Variants in FBXO34 observed in about 807,000 individuals in gnomAD.
FBXO34 encodes F-box protein 34, also known as F-box only protein 34.
FBXO34 carries 12 observed loss-of-function variants against 24.5 expected under a neutral mutation model. That is an observed-to-expected ratio of 0.49 (90% CI 0.31 to 0.79). The LOEUF is 0.79. FBXO34 is among the 30% of genes least tolerant of loss of function. The pLI is 0.04. For synonymous variants in FBXO34, 320 were observed against 311.9 expected (o/e 1.03, Z -0.27); for missense variants, 823 against 857.7 (o/e 0.96, Z 0.51).
At chr14:55,360,377 G>T (rs1052508590) in intron 3 of FBXO34, among the ~76,000 whole-genome samples, 5 of 151,938 alleles carry the variant, frequency 3.3e-5, no homozygotes, top group African/African-American at 1.2e-4. Flanking sequence ...CCAGCCAAAA[G>T]AAACACTTTC....
intron 1 of FBXO34, among the ~76,000 whole-genome samples, chr14:55,293,755 TTAGC>T (rs1003507265): frequency 6.6e-6 from 1 of 152,196 alleles, no homozygotes; most frequent in African/African-American, 2.4e-5. Context: ...TTCTGTATCC[TTAGC>T]ACGGAAAGTG....
the FBXO34 span, among the ~76,000 whole-genome samples, chr14:55,383,012 T>C: frequency 1.3e-5 from 2 of 152,240 alleles, no homozygotes; most frequent in Non-Finnish European, 2.9e-5. Flanking sequence ...CTCTCTTTAA[T>C]ACTCAAGTCT....
intron 1 of FBXO34, among the ~76,000 whole-genome samples, chr14:55,305,413 CA>C (rs200938451): frequency 0.054 from 4,600 of 84,420 alleles, 86 homozygotes; most frequent in African/African-American, 0.095. Flanking sequence ...GACTGCATCT[CA>C]AAAAAAAAAA....
intron 1 of FBXO34, among the ~76,000 whole-genome samples, chr14:55,343,116 T>C (rs1010666577): frequency 3.3e-5 from 5 of 152,216 alleles, no homozygotes; most frequent in African/African-American, 1.2e-4. Context: ...TAAGATGGTC[T>C]CTGGAAGCTT....
intron 1 of FBXO34, among the ~76,000 whole-genome samples, chr14:55,302,693 A>G (rs762860839): frequency 3.9e-5 from 6 of 152,084 alleles, no homozygotes; most frequent in Non-Finnish European, 7.4e-5. Context: ...CTCTGTGGCT[A>G]GAGTAGGCTT....
At position 55,287,340 on chromosome 14, in the gene FBXO34, C is replaced by T. The variant is rs534398507; in HGVS notation, c.-11+15803C>T. Among the ~76,000 whole-genome samples, 7 of 152,234 alleles carry T rather than the reference C, an allele frequency of 4.6e-5. No individual in the cohort carries two copies. The South Asian group carries it at 1.5e-3, about 32-fold the overall frequency. ...AATCTTAGTCACTCATGTGCACAGT[C>T]TGTAGTTATTTAGCATCACCATCAC... On this transcript the variant is annotated intron_variant, in intron 1 of 1. Transcript: ENST00000313833.
At chr14:55,433,598 T>C in the FBXO34 span, 2 of 1,583,632 alleles carry the variant, frequency 1.3e-6, no homozygotes, top group African/African-American at 1.3e-5. Context: ...AAATTGTTTC[T>C]CTGGTAGGGG....
chr14:55,364,496 A>C (rs541067705), downstream of FBXO34, among the ~76,000 whole-genome samples: 1 of 150,620 alleles, frequency 6.6e-6, no homozygotes, highest in East Asian at 2.0e-4. Context: ...ACGATCTTGG[A>C]TCACTGCAAC....
intron 1 of FBXO34, among the ~76,000 whole-genome samples, chr14:55,273,414 G>T (rs1881225490): frequency 6.6e-6 from 1 of 152,154 alleles, no homozygotes. Flanking sequence ...TTGGGAATTT[G>T]ACAGCATTGT....
At position 55,345,541 on chromosome 14, in the gene FBXO34, CCTT is replaced by C. The variant is rs1414855218; in HGVS notation, c.-10-4834_-10-4832del. Among the ~76,000 whole-genome samples, 12 of 152,302 alleles carry C rather than the reference CCTT, an allele frequency of 7.9e-5. No homozygotes were observed. In the South Asian group the frequency reaches 2.3e-3, roughly 29 times the overall value. ...TTCTCCCTCTTCATCCATACCTCTT[CCTT>C]CTTCTCCCCGTCTCCCCATGGGCTC... On this transcript the variant is annotated intron_variant, in intron 1 of 1. Coordinates refer to ENST00000313833, the MANE Select transcript of FBXO34 (RefSeq NM_017943.4).
the FBXO34 span, among the ~76,000 whole-genome samples, chr14:55,427,285 G>GA: frequency 2.6e-5 from 4 of 151,852 alleles, no homozygotes; most frequent in South Asian, 2.1e-4. Context: ...AGCATACAGT[G>GA]AAAAAACTGA....
chr14:55,426,204 G>A, the FBXO34 span, among the ~76,000 whole-genome samples: 1 of 151,508 alleles, frequency 6.6e-6, no homozygotes, highest in Admixed American at 6.6e-5. Context: ...GGGGGTGGAG[G>A]TTGCAGTGAG....
At chr14:55,280,283 C>T (rs1482753275) in intron 1 of FBXO34, among the ~76,000 whole-genome samples, 2 of 152,084 alleles carry the variant, frequency 1.3e-5, no homozygotes, top group Non-Finnish European at 2.9e-5. Flanking sequence ...AGAAATAGCC[C>T]TCTATCTGTG....
rs1883565247 is a variant in FBXO34 at position 55,331,719 on chromosome 14, A to ATATATATGTATATATATATG, written c.-10-18655_-10-18654insGTATATATATATGTATATAT. On this transcript the variant is annotated intron_variant, in intron 1 of 1. Transcript: ENST00000313833. Reference sequence around the variant, plus strand: ...TATATATATATGTATATATATATGTATATATATATGTATATATATATGTGT... The same window carrying ATATATATGTATATATATATG: ...TATATATATATGTATATATATATGTATATATATGTATATATATATGTATATATATGTATATATATATGTGT... Among the ~76,000 whole-genome samples the ATATATATGTATATATATATG allele has an allele frequency of 2.4e-4, 10 of 41,910 alleles. 3 individuals are homozygous for ATATATATGTATATATATATG. Among genetic ancestry groups the ATATATATGTATATATATATG allele is most frequent in the African/African-American group, 2.0e-3 (10 of 4,894 alleles). The allele number at this position is 41,910 out of a possible 152,430, so 27.5% of individuals were successfully genotyped here.
At chr14:55,442,784 G>T in the FBXO34 span, among the ~76,000 whole-genome samples, 5 of 152,156 alleles carry the variant, frequency 3.3e-5, no homozygotes, top group African/African-American at 1.2e-4. Flanking sequence ...TTATTAGACT[G>T]TTATAGACTG....
chr14:55,271,722 C>T (rs1251909494), intron 1 of FBXO34, among the ~76,000 whole-genome samples, 185 bp downstream of exon 1: 1 of 151,030 alleles, frequency 6.6e-6, no homozygotes, highest in Non-Finnish European at 1.5e-5. Context: ...CCTGCGCCTC[C>T]TCCGGTGCGG....
chr14:55,317,882 T>G (rs1400659800), intron 1 of FBXO34, among the ~76,000 whole-genome samples: 2 of 152,152 alleles, frequency 1.3e-5, no homozygotes, highest in African/African-American at 4.8e-5. Flanking sequence ...CTGCAAAGAT[T>G]ATCTTCAGCC....
chr14:55,298,847 G>A (rs1882237150), intron 1 of FBXO34: 7 of 1,612,516 alleles, frequency 4.3e-6, no homozygotes, highest in Middle Eastern at 1.7e-4. Context: ...AGCAGCTGGC[G>A]CAGATCGACG....
chr14:55,395,282 T>A, the FBXO34 span: 1 of 298,422 alleles, frequency 3.4e-6, no homozygotes, highest in Admixed American at 4.5e-5. Context: ...GCATAGTGCA[T>A]CTAGAGCCTC....
Sources: gnomAD v4.1 joint callset for allele counts (sites outside exome capture counted in the v4.1 genomes callset) on GRCh38, gnomAD v4.1.1 for gene constraint, MANE v1.5 for transcripts, NCBI Gene and HGNC (gene_info 2026-07-23, HGNC 2026-07-21) for gene names.